The following PCDHGB2 variants were observed in gnomAD, a reference collection of about 807,000 sequenced individuals.
PCDHGB2 encodes protocadherin gamma subfamily B, 2.
A neutral mutation model predicts 59.3 loss-of-function variants in PCDHGB2; 55 were observed. The ratio of observed to expected loss-of-function variants is 0.93; its 90% CI spans 0.75 to 1.16. The LOEUF (loss-of-function observed/expected upper bound fraction) is 1.16. Among genes scored for constraint, PCDHGB2 ranks in the 50% most tolerant of loss-of-function variants. The pLI is 0.00. For missense variants in PCDHGB2, 1,228 were observed against 1,198.5 expected (o/e 1.02, Z -0.36); for synonymous variants, 516 against 512.0 (o/e 1.01, Z -0.11).
At chr5:141,377,231 A>G (rs1773795281) in intron 1 of PCDHGB2, 2 of 152,072 alleles carry the variant, frequency 1.3e-5, no homozygotes, top group Admixed American at 1.3e-4. Flanking sequence ...GTTTTTTCCT[A>G]CTATGTGACA....
chr5:141,434,440 T>C (rs1283641379), intron 1 of PCDHGB2, among the ~76,000 whole-genome samples: 2 of 152,238 alleles, frequency 1.3e-5, no homozygotes, highest in Non-Finnish European at 2.9e-5. Flanking sequence ...GTAATGCCCA[T>C]GCTGGAAGGT....
chr5:141,446,088 T>C (rs2098487177), intron 1 of PCDHGB2, among the ~76,000 whole-genome samples: 1 of 152,100 alleles, frequency 6.6e-6, no homozygotes, highest in African/African-American at 2.4e-5. Flanking sequence ...TAGAAATAAA[T>C]GGATGAATTA....
chr5:141,432,138 A>C lies in PCDHGB2; in HGVS notation c.2422-62669A>C, dbSNP rs2097456794. On this transcript the variant is annotated intron_variant, in intron 1 of 3. Coordinates refer to ENST00000522605, the MANE Select transcript of PCDHGB2 (RefSeq NM_018923.3). The surrounding 1 kb of genome is among the most constrained non-coding windows in gnomAD (Gnocchi z 6.0). ...TTCCCTCAGGCCTCCTATTCCGCTT[A>C]TATCCCAGAGAACAATCCCAGAGGA... 1 of 1,613,954 alleles carries C rather than the reference A, an allele frequency of 6.2e-7. No individual in the cohort carries two copies. Among genetic ancestry groups the C allele is most frequent in the African/African-American group, 1.3e-5 (1 of 74,882 alleles).
chr5:141,374,328 G>A, intron 1 of PCDHGB2: 5 of 1,613,996 alleles, frequency 3.1e-6, no homozygotes, highest in Non-Finnish European at 4.2e-6. Context: ...CCGCGAAACG[G>A]CAGCTTGGTC....
rs368718827 is a variant in PCDHGB2, at chr5:141,410,231, G to A, written c.2421+47675G>A. On this transcript the variant is annotated intron_variant, in intron 1 of 3. Transcript: ENST00000522605. ...GCAAGAGATACTGCCAGACCTCAGC[G>A]ACCGCCCTGTACTCTCTGACCCCCA... 8.7e-6 allele frequency: 14 copies of A among 1,613,888 alleles called. No homozygotes were observed. The highest frequency in any genetic ancestry group is 1.6e-4 in the Middle Eastern group (1 of 6,084).
intron 1 of PCDHGB2, chr5:141,370,414 G>A (rs1479510412): frequency 6.4e-7 from 1 of 1,568,570 alleles, no homozygotes; most frequent in Non-Finnish European, 8.6e-7. Flanking sequence ...AGCTCCGGAT[G>A]GAGGGGCCCA....
intron 1 of PCDHGB2, among the ~76,000 whole-genome samples, chr5:141,429,527 T>TA (rs1321273157): frequency 1.3e-5 from 2 of 152,038 alleles, no homozygotes; most frequent in African/African-American, 4.8e-5. Flanking sequence ...GAAAAAAGCT[T>TA]AAAAAAATAA....
At position 141,379,889 on chromosome 5, in the gene PCDHGB2, C is replaced by CTTTTTTTTTTTTTTTTTTTTTTTTTT. The variant is rs70988800; in HGVS notation, c.2421+17338_2421+17363dup. On this transcript the variant is annotated intron_variant, in intron 1 of 3. Coordinates refer to ENST00000522605, the MANE Select transcript of PCDHGB2 (RefSeq NM_018923.3). ...CTTATTTTATGGTCTGTGAAAGCCT[C>CTTTTTTTTTTTTTTTTTTTTTTTTTT]TTTTTTTTTTTTTTTTTTTTTTTTT... Among the ~76,000 whole-genome samples the CTTTTTTTTTTTTTTTTTTTTTTTTTT allele has an allele frequency of 6.9e-4, 35 of 50,830 alleles. 8 individuals carry two copies. Among genetic ancestry groups the CTTTTTTTTTTTTTTTTTTTTTTTTTT allele is most frequent in the Non-Finnish European group, 8.9e-4 (23 of 25,880 alleles). The allele number at this position is 50,830 out of a possible 152,430, so 33.3% of individuals were successfully genotyped here. A position where few individuals can be genotyped will look rare whatever the true frequency, so the allele number is the denominator to read the frequency against.
chr5:141,384,248 C>T (rs1443335110), intron 1 of PCDHGB2: 2 of 1,613,866 alleles, frequency 1.2e-6, no homozygotes, highest in South Asian at 2.2e-5. Flanking sequence ...GATAACCCAC[C>T]CACCTTCCCC....
chr5:141,491,571 C>G lies in PCDHGB2; in HGVS notation c.2422-3236C>G. The G allele has an allele frequency of 6.2e-7, 1 of 1,614,026 alleles. No individual in the cohort carries two copies. The highest frequency in any genetic ancestry group is 8.5e-7 in the Non-Finnish European group (1 of 1,180,042). ...CGCAGAGCCACTGCTACAGGACGTG[C>G]TTTTCACCGGCCTCGGACGGCAGTG... On this transcript the variant is annotated intron_variant, in intron 1 of 3. Transcript: ENST00000522605. This position sits in a 1 kb window ranked among gnomAD's most constrained non-coding sequence, Gnocchi z 6.9.
rs978109236 is a variant in PCDHGB2, at chr5:141,418,889, A to G, written c.2421+56333A>G. 1.9e-6 allele frequency: 3 copies of G among 1,614,020 alleles called. No homozygotes were observed. The African/African-American group carries it at 4.0e-5, about 21-fold the overall frequency. On this transcript the variant is annotated intron_variant, in intron 1 of 3. Coordinates refer to ENST00000522605, the MANE Select transcript of PCDHGB2 (RefSeq NM_018923.3). Reference sequence around the variant, plus strand: ...AGAAGTTGTAGACGAAAACGACAACAGCCCAGAAATAATCATCACGTCACT... The same window carrying G: ...AGAAGTTGTAGACGAAAACGACAACGGCCCAGAAATAATCATCACGTCACT...
intron 1 of PCDHGB2, among the ~76,000 whole-genome samples, chr5:141,381,826 C>CTTTTTTTTTTTTTTTTTTTTT (rs770630741): frequency 2.7e-5 from 2 of 74,284 alleles, no homozygotes; most frequent in Admixed American, 1.9e-4. Flanking sequence ...CTTTCTTCTT[C>CTTTTTTTTTTTTTTTTTTTTT]TTTTTTTTTT....
chr5:141,409,491 C>T (rs747701093), intron 1 of PCDHGB2: 3 of 1,613,994 alleles, frequency 1.9e-6, no homozygotes, highest in East Asian at 2.2e-5. Flanking sequence ...AGGGGCAAGC[C>T]GCCTCTTTCT....
rs780383828 is a variant in PCDHGB2, at chr5:141,422,708, A to G, written c.2421+60152A>G. ...GCCCTGGTCACTTACTCTCTGACGGATGACACTGTCCAGGGGGTGCCTCTG... is the reference window on the plus strand; with the variant it reads ...GCCCTGGTCACTTACTCTCTGACGGGTGACACTGTCCAGGGGGTGCCTCTG... On this transcript the variant is annotated intron_variant, in intron 1 of 3. Transcript: ENST00000522605. 28 of 1,603,464 alleles carry G rather than the reference A, an allele frequency of 1.7e-5. No individual in the cohort carries two copies. The East Asian group carries it at 3.8e-4, about 22-fold the overall frequency.
At chr5:141,370,903 A>C (rs1767302300) in intron 1 of PCDHGB2, 20 of 1,614,048 alleles carry the variant, frequency 1.2e-5, no homozygotes, top group Non-Finnish European at 1.5e-5. Context: ...CTGCAGCAGT[A>C]CTACCTCAGC....
At position 141,489,985 on chromosome 5, in the gene PCDHGB2, G is replaced by A. The variant is rs761481986; in HGVS notation, c.2422-4822G>A. ...AACCTTCCAATCCTCAGTTCTACGT[G>A]TGGGAATCCCAGAGAATGCACCCAT... On this transcript the variant is annotated intron_variant, in intron 1 of 3. Transcript: ENST00000522605. The surrounding 1 kb of genome is among the most constrained non-coding windows in gnomAD (Gnocchi z 4.5). The A allele has an allele frequency of 1.2e-6, 2 of 1,614,094 alleles. No homozygotes were observed. Among genetic ancestry groups the A allele is most frequent in the African/African-American group, 2.7e-5 (2 of 74,946 alleles).
At chr5:141,500,182 ATT>A (rs1199992745) in intron 2 of PCDHGB2, among the ~76,000 whole-genome samples, 2 of 131,622 alleles carry the variant, frequency 1.5e-5, no homozygotes, top group African/African-American at 3.1e-5. Flanking sequence ...CTTCATTTTT[ATT>A]TTTATTTATT....
chr5:141,464,769 T>C (rs2154568595), intron 1 of PCDHGB2, among the ~76,000 whole-genome samples: 1 of 152,328 alleles, frequency 6.6e-6, no homozygotes. Flanking sequence ...ACAGGAATCT[T>C]GTTCTGTTGC....
chr5:141,363,667 A>G (rs1260972541), intron 1 of PCDHGB2, among the ~76,000 whole-genome samples: 1 of 152,262 alleles, frequency 6.6e-6, no homozygotes, highest in Non-Finnish European at 1.5e-5. Flanking sequence ...TTTCTTCTGC[A>G]TATGACAGCT....
Sources: gnomAD v4.1 joint callset for allele counts (sites outside exome capture counted in the v4.1 genomes callset) on GRCh38, gnomAD v4.1.1 for gene constraint, Gnocchi (gnomAD v3.1) non-coding constraint, MANE v1.5 for transcripts, NCBI Gene and HGNC (gene_info 2026-07-23, HGNC 2026-07-21) for gene names.